CAMTA2: variants seen among roughly 807,000 people sequenced by gnomAD.
CAMTA2 encodes calmodulin binding transcription activator 2.
A neutral mutation model predicts 135.7 loss-of-function variants in CAMTA2; 56 were observed. That is an observed-to-expected ratio of 0.41 (90% CI 0.33 to 0.52). The LOEUF (loss-of-function observed/expected upper bound fraction) is 0.52, where lower values mean the gene tolerates loss of function less well. Among genes scored for constraint, CAMTA2 ranks in the 20% least tolerant of loss-of-function variants. CAMTA2 has a pLI of 0.16. For missense variants in CAMTA2, 1,358 were observed against 1,553.4 expected (o/e 0.87, Z 2.11); for synonymous variants, 591 against 604.6 (o/e 0.98, Z 0.33).
chr17:4,973,857 GCTT>G lies in CAMTA2; in HGVS notation c.2017-91_2017-89del, dbSNP rs1264446545. 4 of 1,262,548 alleles carry G rather than the reference GCTT, an allele frequency of 3.2e-6. No individual in the cohort carries two copies. In the East Asian group the frequency reaches 1.0e-4, roughly 32 times the overall value. The allele number at this position is 1,262,548 out of a possible 1,614,324, so 78.2% of individuals were successfully genotyped here. A position where few individuals can be genotyped will look rare whatever the true frequency, so the allele number is the denominator to read the frequency against. On this transcript the variant is annotated intron_variant, in intron 12 of 22. Transcript: ENST00000348066. ...TGGCCACCTCACATCTGTCCTCCCA[GCTT>G]CTAATTTTGCCCCCTCCCCACATGT...
intron 12 of CAMTA2, 42 bp from the exon 13 acceptor site, chr17:4,973,811 T>C: frequency 6.5e-7 from 1 of 1,527,756 alleles, no homozygotes; most frequent in Non-Finnish European, 8.8e-7. Context: ...AGGTATCTAC[T>C]CCCCTGGCTT....
intron 3 of CAMTA2, 84 bp from the exon 4 acceptor site, chr17:4,983,127 C>T: frequency 1.7e-6 from 2 of 1,181,426 alleles, no homozygotes; most frequent in South Asian, 1.2e-5. Context: ...CAGTGTCTCA[C>T]TCTCTGCTGA....
rs1046331464 is a variant in CAMTA2 at position 4,976,530 on chromosome 17, T to C, written c.1900+528A>G. Among the ~76,000 whole-genome samples, 3 of 151,956 alleles carry C rather than the reference T, an allele frequency of 2.0e-5. No homozygotes were observed. The South Asian group carries it at 6.2e-4, about 32-fold the overall frequency. On this transcript the variant is annotated intron_variant, in intron 11 of 22. Coordinates refer to ENST00000348066, the MANE Select transcript of CAMTA2 (RefSeq NM_015099.4). ...GCCTGGCCAACATGGCGAAACCTCA[T>C]CTCTACTAAAATCACAAAAAATTAG...
At chr17:4,983,870 C>T (rs1328677834) in intron 3 of CAMTA2, 3 of 152,140 alleles carry the variant, frequency 2.0e-5, no homozygotes, top group Non-Finnish European at 4.4e-5. Context: ...AGGCATGAGC[C>T]ACCACTCCTG....
chr17:4,978,449 C>G (rs113984290), intron 10 of CAMTA2, 55 bp downstream of exon 10: 31 of 1,571,088 alleles, frequency 2.0e-5, no homozygotes, highest in Middle Eastern at 3.4e-4. Context: ...AGGTCCTGAT[C>G]TGTCCTAACT....
In CAMTA2 at chr17:4,969,284, G is replaced by C. The variant is rs772954729; in HGVS notation, c.3336C>G (p.Phe1112Leu). 2 of 1,613,966 alleles carry C rather than the reference G, an allele frequency of 1.2e-6. No homozygotes were observed. Among genetic ancestry groups the C allele is most frequent in the African/African-American group, 2.7e-5 (2 of 74,908 alleles). The change falls in exon 21 of 23, where the codon TTC becomes TTG. Residue 1112 changes from phenylalanine to leucine, a missense_variant. Coordinates refer to ENST00000348066, the MANE Select transcript of CAMTA2 (RefSeq NM_015099.4). This position sits in a 1 kb window ranked among gnomAD's most constrained non-coding sequence, Gnocchi z 5.6. ...ATCGCTTCTGTTCATAGTAGCTTCG[G>C]AACTTGCTCTGGATCAGGATGGCCG... ...TQAAILIQSKFRSYYEQKRFQ... is the reference protein window; with the variant it reads ...TQAAILIQSKLRSYYEQKRFQ...
Position 4,980,453 on chromosome 17 carries a change from G to C in CAMTA2, c.869C>G (p.Pro290Arg), listed in dbSNP as rs1277991548. 1 of 1,613,562 alleles carries C rather than the reference G, an allele frequency of 6.2e-7. No homozygotes were observed. ...PPELPKAHTS[P>R]SSSSSSSSSG... The stretch of plus-strand genomic sequence containing the variant: ...TGAGGAGGAAGAAGAGGAAGAAGAT[G>C]GGGAGGTGTGTGCCTTGGGGAGCTC... The change falls in exon 9 of 23, where the codon CCA becomes CGA. Residue 290 changes from proline to arginine, a missense_variant. Pro to Arg is a moderately radical substitution (Grantham distance 103, BLOSUM62 -2). Coordinates refer to ENST00000348066, the MANE Select transcript of CAMTA2 (RefSeq NM_015099.4). The surrounding 1 kb of genome is among the most constrained non-coding windows in gnomAD (Gnocchi z 5.3).
intron 3 of CAMTA2, chr17:4,983,296 T>C: frequency 2.4e-6 from 1 of 410,104 alleles, no homozygotes; most frequent in South Asian, 2.6e-5. Context: ...TTTTTTTTTC[T>C]TTTGAGATGG....
Position 4,968,971 on chromosome 17 carries a change from G to A in CAMTA2, c.3481C>T (p.Leu1161Phe), listed in dbSNP as rs1171613894. The part of the protein sequence containing the change: ...TLPARNKGSF[L>F]TKKQDQAARK... The stretch of plus-strand genomic sequence containing the variant: ...GCTGCCTGGTCCTGCTTCTTGGTGA[G>A]AAAGGAGCCTCTGGTGAAAGAAACA... Residue 1161 changes from leucine (L) to phenylalanine (F), a missense_variant, in exon 22 of 23, where the codon CTC (leucine) becomes TTC (phenylalanine). This residue lies in a region of CAMTA2 where 167 missense variants were observed against 207.0 expected (regional missense o/e 0.81). Transcript: ENST00000348066. The A allele has an allele frequency of 1.2e-6, 2 of 1,614,148 alleles. No individual in the cohort carries two copies. The highest frequency in any genetic ancestry group is 1.7e-5 in the Admixed American group (1 of 60,010).
intron 17 of CAMTA2, 80 bp from the exon 18 acceptor site, chr17:4,970,165 A>AC: frequency 1.4e-6 from 2 of 1,465,522 alleles, no homozygotes; most frequent in Non-Finnish European, 9.4e-7. Flanking sequence ...ACGAAGGAAA[A>AC]CCACCAGCAA....
At chr17:4,973,537 C>A (rs765497944) in intron 13 of CAMTA2, 48 bp downstream of exon 13, 8 of 1,554,626 alleles carry the variant, frequency 5.1e-6, no homozygotes, top group Middle Eastern at 1.8e-4. Flanking sequence ...TCCCCTGACA[C>A]TTCTGTCCCA....
rs772228271 is a variant in CAMTA2, at chr17:4,980,304, G to C, written c.1018C>G (p.Pro340Ala). Reference sequence around the variant, plus strand: ...GCCTGTGGAGCCAAGTGCCTGGTGGGCGTCAAGCCTCCAGCCCGCTGCTCC... The same window carrying C: ...GCCTGTGGAGCCAAGTGCCTGGTGGCCGTCAAGCCTCCAGCCCGCTGCTCC... ...GLEQRAGGLT[P>A]TRHLAPQADP... Residue 340 changes from proline (P) to alanine (A), a missense_variant, in exon 9 of 23, where the codon CCC becomes GCC. Pro to Ala is a conservative substitution (Grantham distance 27). This residue lies in a region of CAMTA2 where 1,077 missense variants were observed against 1,127.5 expected (regional missense o/e 0.96). Coordinates refer to ENST00000348066, the MANE Select transcript of CAMTA2 (RefSeq NM_015099.4). The surrounding 1 kb of genome is among the most constrained non-coding windows in gnomAD (Gnocchi z 5.3). 1 of 1,612,234 alleles carries C rather than the reference G, an allele frequency of 6.2e-7. No individual in the cohort carries two copies. The highest frequency in any genetic ancestry group is 1.3e-5 in the African/African-American group (1 of 75,040).
intron 3 of CAMTA2, among the ~76,000 whole-genome samples, chr17:4,984,196 C>T (rs1351350829): frequency 2.0e-5 from 3 of 150,548 alleles, no homozygotes; most frequent in East Asian, 2.0e-4. Context: ...GTGATCCACC[C>T]GCCTCAGCCT....
chr17:4,982,085 T>G lies in CAMTA2; in HGVS notation c.411+4A>C. On this transcript the variant is annotated splice_donor_region_variant and intron_variant, in intron 6 of 22. Coordinates refer to ENST00000348066, the MANE Select transcript of CAMTA2 (RefSeq NM_015099.4). ...GGTGGCTCCCTGGGCTCTTCCGTCC[T>G]TACCTGGAGCAGCCAGTAGCAGCGC... The G allele has an allele frequency of 6.2e-7, 1 of 1,610,332 alleles. No individual in the cohort carries two copies. Among genetic ancestry groups the G allele is most frequent in the African/African-American group, 1.3e-5 (1 of 74,698 alleles).
Position 4,969,328 on chromosome 17 carries a change from A to G in CAMTA2, c.3292T>C (p.Tyr1098His). 2 of 1,613,816 alleles carry G rather than the reference A, an allele frequency of 1.2e-6. No individual in the cohort carries two copies. The highest frequency in any genetic ancestry group is 1.7e-6 in the Non-Finnish European group (2 of 1,179,862). ...ATGGCCGCCTGGGTCATCTTCTTATAGAGTGCAAACTGCAGGGGTGGGGAG... is the reference window on the plus strand; with the variant it reads ...ATGGCCGCCTGGGTCATCTTCTTATGGAGTGCAAACTGCAGGGGTGGGGAG... ...LTWIALKFAL[Y>H]KKMTQAAILI... Residue 1098 changes from tyrosine (Y) to histidine (H), a missense_variant, in exon 21 of 23, where the codon TAT becomes CAT. Tyr to His is a moderately conservative substitution (Grantham distance 83). This residue lies in a region of CAMTA2 where 167 missense variants were observed against 207.0 expected (regional missense o/e 0.81). Transcript: ENST00000348066. This position sits in a 1 kb window ranked among gnomAD's most constrained non-coding sequence, Gnocchi z 5.6.
At chr17:4,985,002 G>A (rs1026829494) in intron 3 of CAMTA2, among the ~76,000 whole-genome samples, 7 of 141,336 alleles carry the variant, frequency 5.0e-5, no homozygotes, top group Non-Finnish European at 9.2e-5. Flanking sequence ...GGGCGACAGA[G>A]CGAGACTCCA....
chr17:4,978,540 G>A lies in CAMTA2; in HGVS notation c.1729C>T (p.Leu577Phe), dbSNP rs1972761837. 1.9e-6 allele frequency: 3 copies of A among 1,614,052 alleles called. No homozygotes were observed. The highest frequency in any genetic ancestry group is 2.5e-6 in the Non-Finnish European group (3 of 1,179,996). Residue 577 changes from leucine to phenylalanine, a missense_variant, in exon 10 of 23, where the codon CTT becomes TTT. Around this residue, in one of 4 missense-constraint regions of CAMTA2, gnomAD observed 1,077 missense variants for 1,127.5 expected, o/e 0.96. Transcript: ENST00000348066. Reference sequence around the variant, plus strand: ...CAGCGTAAGACACCAGGCTGGACAAGTGAGGCTGGCACTGCGATGTGATCA... The same window carrying A: ...CAGCGTAAGACACCAGGCTGGACAAATGAGGCTGGCACTGCGATGTGATCA... ...VFDHIAVPAS[L>F]VQPGVLRCYC...
Position 4,986,733 on chromosome 17 carries a change from CCT to C in CAMTA2, c.-64-449_-64-448del, listed in dbSNP as rs915196105. On this transcript the variant is annotated intron_variant, in intron 1 of 22. Transcript: ENST00000348066. ...GAAGCTAGGCCTTTAGAAGACACGCCCTGAGTTCCTTCTCTGTTTGATTTTTC... is the reference window on the plus strand; with the variant it reads ...GAAGCTAGGCCTTTAGAAGACACGCCGAGTTCCTTCTCTGTTTGATTTTTC... The C allele has an allele frequency of 1.0e-4, 56 of 554,664 alleles. No homozygotes were observed. In the African/African-American group the frequency reaches 1.1e-3, roughly 11 times the overall value. 34.4% of individuals were successfully genotyped at this position (554,664 alleles called of 1,614,324 possible). A position where few individuals can be genotyped will look rare whatever the true frequency, so the allele number is the denominator to read the frequency against.
rs535571103 is a variant in CAMTA2 at position 4,969,816 on chromosome 17, C to T, written c.3189+86G>A. The T allele has an allele frequency of 5.5e-4, 879 of 1,589,276 alleles. 1 individual carries two copies. The highest frequency in any genetic ancestry group is 1.0e-3 in the South Asian group (92 of 89,812). ...TTACCCCATCCAAGGCCTGTCTGCA[C>T]GACTACTCATCCTCCAAAAGCCCTG... is the stretch of plus-strand genomic sequence containing the variant. On this transcript the variant is annotated intron_variant, in intron 18 of 22. Coordinates refer to ENST00000348066, the MANE Select transcript of CAMTA2 (RefSeq NM_015099.4). The surrounding 1 kb of genome is among the most constrained non-coding windows in gnomAD (Gnocchi z 5.6).
Sources: gnomAD v4.1 joint callset for allele counts (sites outside exome capture counted in the v4.1 genomes callset) on GRCh38, gnomAD v4.1.1 for gene constraint, gnomAD v4.1.1 regional missense constraint, Gnocchi (gnomAD v3.1) non-coding constraint, MANE v1.5 for transcripts, NCBI Gene and HGNC (gene_info 2026-07-23, HGNC 2026-07-21) for gene names.